The following ROBO2 variants were observed in gnomAD, a reference collection of about 807,000 sequenced individuals.
ROBO2 encodes the protein roundabout guidance receptor 2, also known as roundabout homolog 2.
Under a neutral mutation model 160.8 loss-of-function variants are expected in ROBO2, and 53 were observed. The observed-to-expected ratio is 0.33, with a 90% CI of 0.26 to 0.41. The LOEUF is 0.41. Among genes scored for constraint, ROBO2 ranks in the 10% least tolerant of loss-of-function variants. ROBO2 has a pLI of 1.00. For missense variants in ROBO2, 1,577 were observed against 1,722.4 expected (o/e 0.92, Z 1.49); for synonymous variants, 664 against 611.7 (o/e 1.09, Z -1.26).
chr3:76,541,405 T>C (rs2082808259), intron 2 of ROBO2, among the ~76,000 whole-genome samples: 2 of 152,240 alleles, frequency 1.3e-5, no homozygotes, highest in African/African-American at 4.8e-5. Flanking sequence ...CATGCCAGTT[T>C]TATTCTCAGT....
chr3:76,593,862 C>A (rs558396673), intron 2 of ROBO2, among the ~76,000 whole-genome samples: 1 of 151,838 alleles, frequency 6.6e-6, no homozygotes, highest in Admixed American at 6.6e-5. Flanking sequence ...ATAGTGGCAG[C>A]TATTATAATT....
chr3:75,912,145 T>G (rs1036221968), intron 1 of ROBO2, among the ~76,000 whole-genome samples: 1 of 152,082 alleles, frequency 6.6e-6, no homozygotes, highest in African/African-American at 2.4e-5. Context: ...CTAGAATGAG[T>G]ATTTTTATAA....
chr3:76,372,357 C>T (rs183678592), intron 2 of ROBO2, among the ~76,000 whole-genome samples: 1 of 151,872 alleles, frequency 6.6e-6, no homozygotes, highest in Admixed American at 6.6e-5. Context: ...CAACATGTAC[C>T]TAGTACAATC....
chr3:76,647,396 G>A (rs996063524), intron 2 of ROBO2, among the ~76,000 whole-genome samples: 18 of 152,280 alleles, frequency 1.2e-4, no homozygotes, highest in Non-Finnish European at 2.2e-4. Flanking sequence ...AGATAGGAGA[G>A]GACAAAGCAG....
At chr3:76,693,637 G>A (rs1169436208) in intron 2 of ROBO2, among the ~76,000 whole-genome samples, 2 of 152,024 alleles carry the variant, frequency 1.3e-5, no homozygotes, top group African/African-American at 2.4e-5. Flanking sequence ...AAGTCTGAAG[G>A]CCTGAGAACA....
chr3:76,287,550 T>A (rs1708568262), intron 2 of ROBO2, among the ~76,000 whole-genome samples: 1 of 152,210 alleles, frequency 6.6e-6, no homozygotes, highest in Admixed American at 6.5e-5. Flanking sequence ...TCCACCCACC[T>A]CAGTCTCCCA....
chr3:77,212,514 T>A (rs572573906), intron 2 of ROBO2, among the ~76,000 whole-genome samples: 1 of 152,312 alleles, frequency 6.6e-6, no homozygotes, highest in South Asian at 2.1e-4. Context: ...AATCATGTCA[T>A]CTGCAAACAG....
chr3:76,594,821 C>T (rs1273535747), intron 2 of ROBO2, among the ~76,000 whole-genome samples: 4 of 152,046 alleles, frequency 2.6e-5, no homozygotes, highest in Non-Finnish European at 4.4e-5. Context: ...AACTGAGTTA[C>T]TTGTGTAGCA....
chr3:77,277,212 C>T (rs911660772), intron 2 of ROBO2, among the ~76,000 whole-genome samples: 14 of 80,080 alleles, frequency 1.7e-4, no homozygotes, highest in African/African-American at 6.4e-4. Context: ...TTCTTTCTTT[C>T]TTCTTTCTTT....
chr3:77,222,788 A>G (rs1214078082), intron 2 of ROBO2, among the ~76,000 whole-genome samples: 1 of 152,180 alleles, frequency 6.6e-6, no homozygotes, highest in African/African-American at 2.4e-5. Flanking sequence ...TGATATGCAC[A>G]TTTGTTCTAT....
chr3:76,390,223 A>C (rs2077082144), intron 2 of ROBO2, among the ~76,000 whole-genome samples: 1 of 152,200 alleles, frequency 6.6e-6, no homozygotes, highest in Admixed American at 6.6e-5. Flanking sequence ...GGAACATTTG[A>C]ATCAAATACA....
chr3:77,476,190 T>G (rs1001511538), intron 2 of ROBO2, among the ~76,000 whole-genome samples: 1 of 152,180 alleles, frequency 6.6e-6, no homozygotes, highest in African/African-American at 2.4e-5. Flanking sequence ...GAATGACAAT[T>G]AACCTACAGA....
chr3:76,103,923 A>T (rs1171256316), intron 2 of ROBO2, among the ~76,000 whole-genome samples: 1 of 152,188 alleles, frequency 6.6e-6, no homozygotes, highest in Non-Finnish European at 1.5e-5. Context: ...CAGTGAACAT[A>T]AAAAACCATC....
At position 77,145,672 on chromosome 3, in the gene ROBO2, T is replaced by C. The variant is rs184989018; in HGVS notation, c.388+47332T>C. Among the ~76,000 whole-genome samples the C allele has an allele frequency of 4.6e-5, 7 of 152,282 alleles. No individual in the cohort carries two copies. In the East Asian group the frequency reaches 1.2e-3, roughly 25 times the overall value. On this transcript the variant is annotated intron_variant, in intron 2 of 25. Coordinates refer to ENST00000461745, the Ensembl canonical transcript of ROBO2. The stretch of plus-strand genomic sequence containing the variant: ...TTTTTTGCCTCCATCACACATCGAC[T>C]GAATGAGATAATCGATGGAAAGACT...
chr3:76,893,752 T>C (rs2074543080), intron 2 of ROBO2, among the ~76,000 whole-genome samples: 1 of 152,074 alleles, frequency 6.6e-6, no homozygotes, highest in Non-Finnish European at 1.5e-5. Flanking sequence ...TGCTGTGGAA[T>C]GATAGAACTT....
intron 2 of ROBO2, among the ~76,000 whole-genome samples, chr3:76,687,803 C>T (rs1207984097): frequency 6.6e-6 from 1 of 151,906 alleles, no homozygotes; most frequent in East Asian, 1.9e-4. Context: ...CCAAAAATGT[C>T]AAATCAATAC....
At chr3:77,143,911 A>G (rs1219244202) in intron 2 of ROBO2, among the ~76,000 whole-genome samples, 1 of 151,616 alleles carries the variant, frequency 6.6e-6, no homozygotes, top group Admixed American at 6.6e-5. Flanking sequence ...ACTCTATTCC[A>G]CTCTGTAAAC....
intron 2 of ROBO2, among the ~76,000 whole-genome samples, chr3:77,430,440 G>A (rs1001642235): frequency 1.8e-4 from 28 of 152,182 alleles, no homozygotes; most frequent in African/African-American, 6.0e-4. Flanking sequence ...AAATGTGTAT[G>A]TACATATTAA....
At chr3:76,785,536 C>A (rs548812743) in intron 2 of ROBO2, among the ~76,000 whole-genome samples, 154 of 151,260 alleles carry the variant, frequency 1.0e-3, no homozygotes, top group African/African-American at 3.4e-3. Flanking sequence ...AGTGCTATGG[C>A]AATGGACAGT....
Sources: gnomAD v4.1 joint callset for allele counts (sites outside exome capture counted in the v4.1 genomes callset) on GRCh38, gnomAD v4.1.1 for gene constraint, MANE v1.5 for transcripts, NCBI Gene and HGNC (gene_info 2026-07-23, HGNC 2026-07-21) for gene names.